Variants in SMG7 observed in about 807,000 individuals in gnomAD.
SMG7 encodes the protein nonsense-mediated mRNA decay factor SMG7.
SMG7 carries 34 observed loss-of-function variants against 148.2 expected under a neutral mutation model. The ratio of observed to expected loss-of-function variants is 0.23; its 90% confidence interval spans 0.17 to 0.31. The LOEUF (loss-of-function observed/expected upper bound fraction) is 0.31, where lower values mean the gene tolerates loss of function less well. SMG7 is among the 10% of genes least tolerant of loss of function. SMG7 has a pLI of 1.00. For synonymous variants in SMG7, 492 were observed against 515.1 expected, an observed-to-expected ratio of 0.96 and a Z score of 0.61; for missense variants, 1,114 against 1,408.4, an observed-to-expected ratio of 0.79 and a Z score of 3.35.
At chr1:183,494,598 T>TAA (rs61323461) in intron 1 of SMG7, among the ~76,000 whole-genome samples, 8 of 143,582 alleles carry the variant, frequency 5.6e-5, no homozygotes, top group Admixed American at 1.4e-4. Context: ...CTTATGTTTC[T>TAA]AAAAAAAAAA....
rs185246961 is a variant in SMG7 at position 183,503,970 on chromosome 1, C to G, written c.30-8867C>G. 2.4e-3 allele frequency among the ~76,000 whole-genome samples: 362 copies of G among 152,306 alleles called. 3 individuals carry two copies. Among genetic ancestry groups the G allele is most frequent in the African/African-American group, 8.4e-3 (350 of 41,558 alleles). On this transcript the variant is annotated intron_variant, in intron 1 of 22. Coordinates refer to ENST00000688051, the MANE Select transcript of SMG7 (RefSeq NM_001375584.1). ...GCCTCCTGTATGGTTCATATTTTAT[C>G]ACTCAATAATTCAACAAATTCAACA...
intron 1 of SMG7, 147 bp downstream of exon 1, chr1:183,472,796 C>T: frequency 1.5e-6 from 1 of 660,412 alleles, no homozygotes; most frequent in Non-Finnish European, 2.2e-6. Context: ...GCAAGGGGAT[C>T]TGCGGGAGGG....
At chr1:183,502,201 G>T in intron 1 of SMG7, 1 of 1,176,682 alleles carries the variant, frequency 8.5e-7, no homozygotes. Flanking sequence ...TCTTCATAGG[G>T]GTTCTCTGTT....
At chr1:183,515,722 A>T in intron 2 of SMG7, 152 bp from the exon 3 acceptor site, 1 of 409,022 alleles carries the variant, frequency 2.4e-6, no homozygotes, top group East Asian at 3.6e-5. Flanking sequence ...TTTGAAATAT[A>T]GTAGTATAAA....
At position 183,546,980 on chromosome 1, in the gene SMG7, C is replaced by T. The variant is rs1219980257; in HGVS notation, c.2743-123C>T. ...ATTTCAGAGCGTTTTTTCTCTTTGC[C>T]TAATACCATCTATCTCACTATCCCC... On this transcript the variant is annotated intron_variant, in intron 17 of 22. Coordinates refer to ENST00000688051, the MANE Select transcript of SMG7 (RefSeq NM_001375584.1). 1.2e-5 allele frequency: 11 copies of T among 933,336 alleles called. No homozygotes were observed. In the East Asian group the frequency reaches 2.7e-4, roughly 23 times the overall value. 57.8% of individuals were successfully genotyped at this position (933,336 alleles called of 1,614,324 possible).
intron 20 of SMG7, 102 bp from the exon 21 acceptor site, chr1:183,550,649 T>C: frequency 8.8e-7 from 1 of 1,137,804 alleles, no homozygotes; most frequent in Non-Finnish European, 1.3e-6. Flanking sequence ...CCTGTGGTTA[T>C]TGTTAGTAGA....
chr1:183,473,952 G>C (rs1316334599), intron 1 of SMG7: 2 of 800,682 alleles, frequency 2.5e-6, no homozygotes, highest in Non-Finnish European at 3.0e-6. Context: ...AAGTAGTAAA[G>C]TTTTATTAAG....
intron 2 of SMG7, among the ~76,000 whole-genome samples, chr1:183,513,828 G>A (rs183340388): frequency 8.6e-4 from 131 of 151,990 alleles, no homozygotes; most frequent in Middle Eastern, 3.4e-3. Flanking sequence ...CCAAGAGTTC[G>A]AGACCAGTCT....
chr1:183,511,116 G>A (rs1210808913), intron 1 of SMG7, among the ~76,000 whole-genome samples: 4 of 151,414 alleles, frequency 2.6e-5, no homozygotes, highest in East Asian at 3.9e-4. Context: ...GGGCAACATA[G>A]CAAGGCCCAG....
At position 183,472,918 on chromosome 1, in the gene SMG7, G is replaced by T. The variant is rs1651071239; in HGVS notation, c.29+269G>T. 4 of 392,024 alleles carry T rather than the reference G, an allele frequency of 1.0e-5. No individual in the cohort carries two copies. In the South Asian group the frequency reaches 3.8e-4, roughly 37 times the overall value. The allele number at this position is 392,024 out of a possible 1,614,324, so 24.3% of individuals were successfully genotyped here. On this transcript the variant is annotated intron_variant, in intron 1 of 22. Coordinates refer to ENST00000688051, the MANE Select transcript of SMG7 (RefSeq NM_001375584.1). ...GGGAAGCGTGAGAATGTGCGCGCGCGCCCTTGGTCTCGGGTTTGCTAGCGA... is the reference window on the plus strand; with the variant it reads ...GGGAAGCGTGAGAATGTGCGCGCGCTCCCTTGGTCTCGGGTTTGCTAGCGA...
Position 183,533,340 on chromosome 1 carries a change from T to TACTTA in SMG7, c.1006+17_1006+21dup, listed in dbSNP as rs756804553. ...TGGCCCTCTTTAGTGAGTATTGAAT[T>TACTTA]ACTTAACATGTGCCATCTTTTTTGA... On this transcript the variant is annotated intron_variant, in intron 9 of 22. Coordinates refer to ENST00000688051, the MANE Select transcript of SMG7 (RefSeq NM_001375584.1). 2.1e-5 allele frequency: 33 copies of TACTTA among 1,605,382 alleles called. No individual in the cohort carries two copies. In the East Asian group the frequency reaches 4.9e-4, roughly 24 times the overall value.
At chr1:183,525,522 G>T (rs1665661660) in intron 4 of SMG7, among the ~76,000 whole-genome samples, 2 of 152,158 alleles carry the variant, frequency 1.3e-5, no homozygotes, top group Non-Finnish European at 2.9e-5. Context: ...ACATTAAAAG[G>T]TTGCTATAAA....
chr1:183,549,786 T>G lies in SMG7; in HGVS notation c.2996T>G (p.Met999Arg). 6.2e-7 allele frequency: 1 copy of G among 1,613,812 alleles called. No individual in the cohort carries two copies. Among genetic ancestry groups the G allele is most frequent in the Non-Finnish European group, 8.5e-7 (1 of 1,179,770 alleles). ...CAGGAAAGATACCCAAATAATAGTA[T>G]GTTCAATGAGGTATATGGGAAAAAC... The part of the protein sequence containing the change: ...LNQERYPNNS[M>R]FNEVYGKNLT... The change falls in exon 20 of 23, where the codon ATG becomes AGG. Residue 999 changes from methionine to arginine, a missense_variant. Around this residue, in one of 4 missense-constraint regions of SMG7, gnomAD observed 788 missense variants for 894.5 expected, o/e 0.88. Transcript: ENST00000688051.
At chr1:183,500,190 TTTTATA>T (rs1277856714) in intron 1 of SMG7, among the ~76,000 whole-genome samples, 1 of 152,152 alleles carries the variant, frequency 6.6e-6, no homozygotes, top group Admixed American at 6.6e-5. Context: ...AAGTTATAGA[TTTTATA>T]TTTATATTAT....
intron 1 of SMG7, among the ~76,000 whole-genome samples, chr1:183,480,176 C>G (rs1446383330): frequency 1.3e-5 from 2 of 152,110 alleles, no homozygotes; most frequent in African/African-American, 4.8e-5. Context: ...CCTTCAGGAT[C>G]TTTTTTCACT....
chr1:183,522,269 T>A (rs1205162733), intron 4 of SMG7, among the ~76,000 whole-genome samples: 1 of 152,186 alleles, frequency 6.6e-6, no homozygotes, highest in Non-Finnish European at 1.5e-5. Context: ...ATAAAAATTT[T>A]ATGATTATAG....
intron 18 of SMG7, among the ~76,000 whole-genome samples, chr1:183,547,853 CA>C (rs1209355334): frequency 3.1e-3 from 479 of 152,164 alleles, no homozygotes; most frequent in East Asian, 8.3e-3. Flanking sequence ...ACTAGAATCA[CA>C]TAAAATAAAA....
intron 1 of SMG7, among the ~76,000 whole-genome samples, chr1:183,511,460 T>TA (rs983331902): frequency 4.6e-5 from 7 of 152,154 alleles, no homozygotes; most frequent in Non-Finnish European, 8.8e-5. Context: ...GAGGTGTTGC[T>TA]AGCAGAGTCT....
chr1:183,474,897 T>C (rs1651757750), intron 1 of SMG7, among the ~76,000 whole-genome samples: 1 of 152,198 alleles, frequency 6.6e-6, no homozygotes, highest in African/African-American at 2.4e-5. Flanking sequence ...GGAAGGAAAC[T>C]GAGCAGAGTT....
Sources: gnomAD v4.1 joint callset for allele counts (sites outside exome capture counted in the v4.1 genomes callset) on GRCh38, gnomAD v4.1.1 for gene constraint, gnomAD v4.1.1 regional missense constraint, MANE v1.5 for transcripts, NCBI Gene and HGNC (gene_info 2026-07-23, HGNC 2026-07-21) for gene names.